Variants in AHCYL2 observed in about 807,000 individuals in gnomAD.
The protein encoded by AHCYL2 is adenosylhomocysteinase like 2.
In AHCYL2, 28 loss-of-function variants were observed where a neutral mutation model predicts 81.4. The observed-to-expected ratio is 0.34, with a 90% confidence interval of 0.25 to 0.47. The LOEUF (loss-of-function observed/expected upper bound fraction) is 0.47, where lower values mean the gene tolerates loss of function less well. Among genes scored for constraint, AHCYL2 ranks in the 20% least tolerant of loss-of-function variants. The probability of loss-of-function intolerance (pLI) is 1.00; values close to 1 mark genes in which losing one functional copy is unlikely to be tolerated. For missense variants in AHCYL2, 551 were observed against 785.1 expected (o/e 0.70, Z 3.56); for synonymous variants, 272 against 290.2 (o/e 0.94, Z 0.64).
intron 12 of AHCYL2, among the ~76,000 whole-genome samples, chr7:129,416,937 G>A (rs139580738): frequency 0.016 from 2,453 of 152,218 alleles, 66 homozygotes; most frequent in African/African-American, 0.055. Flanking sequence ...AGGCAACATA[G>A]TGAGACCTCA....
rs1184316062 is a variant in AHCYL2, at chr7:129,428,709, C to T, written c.*1664C>T. On this transcript the variant is annotated 3_prime_UTR_variant, in exon 17 of 17. Transcript: ENST00000325006. ...CTGGTCTTCACATATACTCTCAAAG[C>T]TAGTCTGAAAGTGACCTTACTTTCG... 1.3e-5 allele frequency: 2 copies of T among 152,182 alleles called. No individual in the cohort carries two copies. Among genetic ancestry groups the T allele is most frequent in the Non-Finnish European group, 2.9e-5 (2 of 68,034 alleles). 9.4% of individuals were successfully genotyped at this position (152,182 alleles called of 1,614,324 possible). A position where few individuals can be genotyped will look rare whatever the true frequency, so the allele number is the denominator to read the frequency against.
chr7:129,264,420 A>G (rs1584720115), intron 1 of AHCYL2, among the ~76,000 whole-genome samples: 2 of 152,346 alleles, frequency 1.3e-5, no homozygotes, highest in African/African-American at 4.8e-5. Flanking sequence ...AGCTCACGGG[A>G]TGTAAAGAGT....
chr7:129,295,889 A>G (rs1797034624), intron 1 of AHCYL2, among the ~76,000 whole-genome samples: 1 of 152,222 alleles, frequency 6.6e-6, no homozygotes, highest in South Asian at 2.1e-4. Flanking sequence ...GCAGAATTAA[A>G]GCCACTGGTT....
In AHCYL2 at chr7:129,427,133, T is replaced by C. The variant is rs1797399808; in HGVS notation, c.*88T>C. 2 of 1,389,156 alleles carry C rather than the reference T, an allele frequency of 1.4e-6. No individual in the cohort carries two copies. The highest frequency in any genetic ancestry group is 3.6e-5 in the Admixed American group (2 of 55,738). 86.1% of individuals were successfully genotyped at this position (1,389,156 alleles called of 1,614,324 possible). A position where few individuals can be genotyped will look rare whatever the true frequency, so the allele number is the denominator to read the frequency against. ...TACAAGAAAGAATTCAGCAAGCTGCTTCTCCAATCAAAGCTGCCTGCCGTG... is the reference window on the plus strand; with the variant it reads ...TACAAGAAAGAATTCAGCAAGCTGCCTCTCCAATCAAAGCTGCCTGCCGTG... On this transcript the variant is annotated 3_prime_UTR_variant, in exon 17 of 17. Transcript: ENST00000325006. This position sits in a 1 kb window ranked among gnomAD's most constrained non-coding sequence, Gnocchi z 5.5.
chr7:129,309,200 C>T (rs1019970501), intron 1 of AHCYL2, among the ~76,000 whole-genome samples: 3 of 152,060 alleles, frequency 2.0e-5, no homozygotes, highest in Non-Finnish European at 4.4e-5. Flanking sequence ...CCACTGCACT[C>T]TAGCCTGGGC....
chr7:129,375,686 G>T lies in AHCYL2; in HGVS notation c.364-3952G>T, dbSNP rs1032745812. The stretch of plus-strand genomic sequence containing the variant: ...AACAGAAATGCCTTATTAAATTGGG[G>T]CTGTACTGCTGAAGGGGTTGTTGGA... On this transcript the variant is annotated intron_variant, in intron 1 of 16. Transcript: ENST00000325006. 1.2e-4 allele frequency: 171 copies of T among 1,422,104 alleles called. 1 individual carries two copies. Among genetic ancestry groups the T allele is most frequent in the Admixed American group, 1.2e-4 (4 of 34,066 alleles). 88.1% of individuals were successfully genotyped at this position (1,422,104 alleles called of 1,614,324 possible). A position where few individuals can be genotyped will look rare whatever the true frequency, so the allele number is the denominator to read the frequency against.
intron 1 of AHCYL2, among the ~76,000 whole-genome samples, chr7:129,340,044 T>G (rs1018634525): frequency 2.7e-5 from 4 of 146,460 alleles, no homozygotes; most frequent in Non-Finnish European, 6.0e-5. Context: ...TCAGCCTCCC[T>G]AGCAGCTGGG....
At chr7:129,270,006 G>A (rs1795952278) in intron 1 of AHCYL2, among the ~76,000 whole-genome samples, 2 of 152,136 alleles carry the variant, frequency 1.3e-5, no homozygotes, top group Non-Finnish European at 2.9e-5. Context: ...TTACAGTGAT[G>A]GAAAGTTTTT....
chr7:129,390,738 G>A (rs1475724832), intron 4 of AHCYL2, among the ~76,000 whole-genome samples: 2 of 152,106 alleles, frequency 1.3e-5, no homozygotes, highest in Non-Finnish European at 2.9e-5. Flanking sequence ...TCACTCAAGA[G>A]AAGTCCCTCC....
At chr7:129,300,213 T>C (rs1797211222) in intron 1 of AHCYL2, among the ~76,000 whole-genome samples, 1 of 152,198 alleles carries the variant, frequency 6.6e-6, no homozygotes, top group Non-Finnish European at 1.5e-5. Context: ...TACCCTGTTG[T>C]GCTATCAGAT....
At chr7:129,235,204 G>A (rs1366335947) in intron 1 of AHCYL2, among the ~76,000 whole-genome samples, 5 of 151,558 alleles carry the variant, frequency 3.3e-5, no homozygotes, top group Non-Finnish European at 5.9e-5. Flanking sequence ...CTGTGACACC[G>A]ATCTTTACTA....
At chr7:129,424,743 A>G in intron 13 of AHCYL2, 131 bp from the exon 14 acceptor site, 1 of 903,034 alleles carries the variant, frequency 1.1e-6, no homozygotes, top group South Asian at 1.4e-5. Context: ...TATATATTGA[A>G]TAGCTGCTTT....
chr7:129,248,210 T>G (rs1310841323), intron 1 of AHCYL2, among the ~76,000 whole-genome samples: 1 of 152,250 alleles, frequency 6.6e-6, no homozygotes, highest in African/African-American at 2.4e-5. Context: ...TTGTCTGTCT[T>G]GATGCCAGTA....
chr7:129,329,678 T>G (rs1466646807), intron 1 of AHCYL2, among the ~76,000 whole-genome samples: 1 of 152,264 alleles, frequency 6.6e-6, no homozygotes, highest in South Asian at 2.1e-4. Flanking sequence ...TTTGGCAAGT[T>G]GCCTAATTTC....
chr7:129,227,108 T>C (rs1164559667), intron 1 of AHCYL2, among the ~76,000 whole-genome samples: 6 of 152,220 alleles, frequency 3.9e-5, no homozygotes, highest in African/African-American at 1.4e-4. Context: ...ATTACACAAA[T>C]CAGTTTCCTC....
chr7:129,410,824 G>A (rs60123157), intron 11 of AHCYL2, among the ~76,000 whole-genome samples: 2,032 of 152,190 alleles, frequency 0.013, 44 homozygotes, highest in African/African-American at 0.047. Flanking sequence ...TTTTAGAGGG[G>A]GAAATCAGAC....
intron 2 of AHCYL2, among the ~76,000 whole-genome samples, chr7:129,383,716 C>T (rs1002488076): frequency 7.2e-5 from 11 of 152,314 alleles, no homozygotes; most frequent in African/African-American, 2.6e-4. Flanking sequence ...ATGTTCATTT[C>T]ACTCTGGCCT....
At chr7:129,371,124 C>T (rs1794390727) in intron 1 of AHCYL2, among the ~76,000 whole-genome samples, 1 of 152,172 alleles carries the variant, frequency 6.6e-6, no homozygotes, top group African/African-American at 2.4e-5. Flanking sequence ...GCTCCAGCTC[C>T]CATGTTGGGC....
intron 1 of AHCYL2, among the ~76,000 whole-genome samples, chr7:129,228,146 C>T (rs1387095159): frequency 6.6e-6 from 1 of 152,176 alleles, no homozygotes; most frequent in African/African-American, 2.4e-5. Flanking sequence ...ACTGAGAATA[C>T]TAGTATTGAA....
Sources: allele counts gnomAD v4.1 joint callset (sites outside exome capture counted in the v4.1 genomes callset), GRCh38; gene constraint gnomAD v4.1.1; non-coding constraint Gnocchi (gnomAD v3.1); transcripts MANE v1.5; gene names NCBI Gene and HGNC (gene_info 2026-07-23, HGNC 2026-07-21).